The following PPFIA2 variants were observed in gnomAD, a reference collection of about 807,000 sequenced individuals.
The protein encoded by PPFIA2 is PPFI scaffold protein A2.
PPFIA2 carries 46 observed loss-of-function variants against 175.5 expected under a neutral mutation model. The observed-to-expected ratio is 0.26, with a 90% CI of 0.21 to 0.34. The LOEUF (loss-of-function observed/expected upper bound fraction) is 0.34, where lower values mean the gene tolerates loss of function less well. PPFIA2 is among the 10% of genes least tolerant of loss of function. PPFIA2 has a pLI of 1.00. For missense variants in PPFIA2, 1,179 were observed against 1,506.1 expected (o/e 0.78, Z 3.60); for synonymous variants, 568 against 511.4 (o/e 1.11, Z -1.49).
At chr12:81,535,390 G>T (rs1291145637) in intron 4 of PPFIA2, 2 of 455,336 alleles carry the variant, frequency 4.4e-6, no homozygotes, top group East Asian at 1.4e-4. Flanking sequence ...CTGGATTTCA[G>T]AACAACACTT....
chr12:81,391,930 T>C (rs2040203137), intron 8 of PPFIA2, among the ~76,000 whole-genome samples: 1 of 151,800 alleles, frequency 6.6e-6, no homozygotes, highest in Admixed American at 6.6e-5. Context: ...GGAGTGGATA[T>C]AGATGGAAAT....
At chr12:81,405,425 A>G (rs1450526958) in intron 8 of PPFIA2, among the ~76,000 whole-genome samples, 1 of 151,962 alleles carries the variant, frequency 6.6e-6, no homozygotes, top group African/African-American at 2.4e-5. Context: ...CTATATATGT[A>G]CATATATATA....
rs906939191 is a variant in PPFIA2, at chr12:81,658,311, T to C, written c.303+18480A>G. Among the ~76,000 whole-genome samples the C allele has an allele frequency of 7.4e-5, 11 of 149,646 alleles. 1 individual carries two copies. The highest frequency in any genetic ancestry group is 2.7e-4 in the African/African-American group (11 of 40,614). On this transcript the variant is annotated intron_variant, in intron 4 of 32. Coordinates refer to ENST00000549396, the MANE Select transcript of PPFIA2 (RefSeq NM_003625.5). ...AAAAGAAAAGAAAAAAAAAAATGAT[T>C]GCTAACCAATTAGAGTGCAAAAATT... is the stretch of plus-strand genomic sequence containing the variant.
chr12:81,310,115 C>A (rs2050397983), intron 22 of PPFIA2, among the ~76,000 whole-genome samples: 1 of 151,974 alleles, frequency 6.6e-6, no homozygotes, highest in Non-Finnish European at 1.5e-5. Context: ...CCCTCTTTTA[C>A]CCAGTTTGGA....
intron 8 of PPFIA2, among the ~76,000 whole-genome samples, chr12:81,386,567 A>G (rs2039016055): frequency 6.6e-6 from 1 of 151,622 alleles, no homozygotes; most frequent in Non-Finnish European, 1.5e-5. Context: ...GGTTGTAGTG[A>G]GCCATGATTG....
chr12:81,285,995 T>A lies in PPFIA2; in HGVS notation c.2926-1692A>T, dbSNP rs185698953. ...TTTTCAGTGGAACAGAATATGGAGA[T>A]GAAAGACAGTGATACTGATGGTCCC... On this transcript the variant is annotated intron_variant, in intron 24 of 32. Transcript: ENST00000549396. Among the ~76,000 whole-genome samples the A allele has an allele frequency of 1.6e-3, 247 of 152,098 alleles. 2 individuals carry two copies. The highest frequency in any genetic ancestry group is 5.7e-3 in the African/African-American group (237 of 41,520).
intron 4 of PPFIA2, among the ~76,000 whole-genome samples, chr12:81,669,570 C>T (rs10746199): frequency 0.91 from 138,992 of 152,008 alleles, 63,696 homozygotes; most frequent in East Asian, 1. Flanking sequence ...TGAGTGTTCA[C>T]GGAAAACTCT....
chr12:81,383,435 A>AT (rs951206803), intron 9 of PPFIA2, among the ~76,000 whole-genome samples: 34 of 151,184 alleles, frequency 2.2e-4, no homozygotes, highest in South Asian at 4.2e-4. Context: ...ATCTCCTAGT[A>AT]TTTTTTTTTA....
chr12:81,312,177 G>A, intron 22 of PPFIA2: 1 of 1,534,346 alleles, frequency 6.5e-7, no homozygotes, highest in Non-Finnish European at 8.7e-7. Context: ...TGCTTTTCAT[G>A]AGATGGAGAA....
chr12:81,392,496 G>A (rs1038022291), intron 8 of PPFIA2, among the ~76,000 whole-genome samples: 1 of 151,828 alleles, frequency 6.6e-6, no homozygotes, highest in Non-Finnish European at 1.5e-5. Context: ...AGTGAAGTAG[G>A]GGGTCGTCAA....
In PPFIA2 at chr12:81,402,090, A is replaced by G. The variant is rs138885682; in HGVS notation, c.762+3697T>C. On this transcript the variant is annotated intron_variant, in intron 8 of 32. Transcript: ENST00000549396. Reference sequence around the variant, plus strand: ...AGTTCTCAATCCACCGACACAAAACATCTTCTTTGGGCTAATCACCCACCC... The same window carrying G: ...AGTTCTCAATCCACCGACACAAAACGTCTTCTTTGGGCTAATCACCCACCC... Among the ~76,000 whole-genome samples, 1,117 of 152,292 alleles carry G rather than the reference A, an allele frequency of 7.3e-3. 16 individuals are homozygous for G. The highest frequency in any genetic ancestry group is 0.026 in the African/African-American group (1,062 of 41,574).
intron 4 of PPFIA2, among the ~76,000 whole-genome samples, chr12:81,673,053 G>A (rs1248030689): frequency 2.0e-5 from 3 of 151,848 alleles, no homozygotes; most frequent in South Asian, 2.1e-4. Flanking sequence ...AACTTAACTC[G>A]TATGGCCAAG....
chr12:81,347,106 T>C (rs180897858), intron 18 of PPFIA2, among the ~76,000 whole-genome samples: 128 of 134,848 alleles, frequency 9.5e-4, no homozygotes, highest in Admixed American at 1.6e-3. Context: ...CTAATTTTTT[T>C]CTTTTTCTCT....
intron 22 of PPFIA2, among the ~76,000 whole-genome samples, chr12:81,318,258 A>G (rs1022005014): frequency 6.6e-6 from 1 of 151,754 alleles, no homozygotes; most frequent in Non-Finnish European, 1.5e-5. Flanking sequence ...CACTTTAAGT[A>G]ACTTTCCCAG....
intron 4 of PPFIA2, among the ~76,000 whole-genome samples, chr12:81,490,615 G>A (rs369797223): frequency 6.6e-6 from 1 of 151,922 alleles, no homozygotes; most frequent in Admixed American, 6.6e-5. Context: ...TTGATGTTAA[G>A]CAGCCTTGAC....
chr12:81,572,224 A>T (rs2072684104), intron 4 of PPFIA2, among the ~76,000 whole-genome samples: 1 of 151,942 alleles, frequency 6.6e-6, no homozygotes, highest in Non-Finnish European at 1.5e-5. Context: ...GCTCTGACAC[A>T]CAATCTGCTT....
chr12:81,319,203 A>G (rs2053125458), intron 22 of PPFIA2, among the ~76,000 whole-genome samples: 1 of 151,784 alleles, frequency 6.6e-6, no homozygotes, highest in African/African-American at 2.4e-5. Flanking sequence ...CAGCAACTCT[A>G]TTCCTTTTGT....
chr12:81,640,412 G>A (rs1293990248), intron 4 of PPFIA2, among the ~76,000 whole-genome samples: 3 of 152,080 alleles, frequency 2.0e-5, no homozygotes, highest in East Asian at 1.9e-4. Context: ...CTTATCCTAC[G>A]TATCTAATCA....
chr12:81,325,917 T>C, intron 21 of PPFIA2, 47 bp from the exon 22 acceptor site: 1 of 1,367,252 alleles, frequency 7.3e-7, no homozygotes, highest in Non-Finnish European at 1.0e-6. Context: ...GCATAGGTTG[T>C]GTCAATTCTG....
Sources: allele counts gnomAD v4.1 joint callset (sites outside exome capture counted in the v4.1 genomes callset), GRCh38; gene constraint gnomAD v4.1.1; transcripts MANE v1.5; gene names NCBI Gene and HGNC (gene_info 2026-07-23, HGNC 2026-07-21).